Variants in UBE2E2 observed in about 807,000 individuals in gnomAD.
UBE2E2 encodes ubiquitin-conjugating enzyme E2 E2.
Under a neutral mutation model 24.7 loss-of-function variants are expected in UBE2E2, and 6 were observed. The observed-to-expected ratio is 0.24, with a 90% CI of 0.13 to 0.48. The LOEUF (loss-of-function observed/expected upper bound fraction) is 0.48, where lower values mean the gene tolerates loss of function less well. Ranked by LOEUF, UBE2E2 falls within the 20% of genes least tolerant of loss-of-function variation. The pLI, the probability that UBE2E2 is intolerant of heterozygous loss-of-function variation, is 0.99. For synonymous variants in UBE2E2, 104 were observed against 83.6 expected (o/e 1.24, Z -1.33); for missense variants, 169 against 245.0 (o/e 0.69, Z 2.07).
At chr3:23,264,188 TA>T (rs1187685166) in intron 3 of UBE2E2, among the ~76,000 whole-genome samples, 7 of 152,166 alleles carry the variant, frequency 4.6e-5, no homozygotes, top group Non-Finnish European at 1.5e-5. Flanking sequence ...TAGGAAGTCT[TA>T]CCTTTGCTCC....
chr3:23,425,202 A>G (rs989392596), intron 3 of UBE2E2, among the ~76,000 whole-genome samples: 2 of 152,334 alleles, frequency 1.3e-5, no homozygotes, highest in Admixed American at 1.3e-4. Flanking sequence ...TAGCATAACT[A>G]TAATGCCATT....
intron 3 of UBE2E2, among the ~76,000 whole-genome samples, chr3:23,401,982 G>T (rs1019928883): frequency 1.3e-5 from 2 of 148,460 alleles, no homozygotes; most frequent in Non-Finnish European, 3.0e-5. Flanking sequence ...TCAGCCTCCC[G>T]AATAGCTGGG....
At chr3:23,375,480 C>CA (rs1696498548) in intron 3 of UBE2E2, among the ~76,000 whole-genome samples, 1 of 152,136 alleles carries the variant, frequency 6.6e-6, no homozygotes, top group Non-Finnish European at 1.5e-5. Flanking sequence ...AATTTATAAT[C>CA]TGGCGAGAAG....
chr3:23,482,638 C>T (rs551093116), intron 3 of UBE2E2, among the ~76,000 whole-genome samples: 1 of 152,218 alleles, frequency 6.6e-6, no homozygotes, highest in South Asian at 2.1e-4. Flanking sequence ...GAAATCTGTG[C>T]CTGTCATTGA....
At chr3:23,220,288 G>GT (rs1696596676) in intron 3 of UBE2E2, among the ~76,000 whole-genome samples, 1 of 152,168 alleles carries the variant, frequency 6.6e-6, no homozygotes, top group South Asian at 2.1e-4. Context: ...ACATATTTCA[G>GT]TTTTTTCTCA....
intron 3 of UBE2E2, among the ~76,000 whole-genome samples, chr3:23,490,555 C>G (rs1699474095): frequency 6.6e-6 from 1 of 152,056 alleles, no homozygotes; most frequent in Non-Finnish European, 1.5e-5. Context: ...TGCAAGGTAT[C>G]CACACATTGG....
chr3:23,477,853 A>G lies in UBE2E2; in HGVS notation c.228-21755A>G, dbSNP rs533978492. On this transcript the variant is annotated intron_variant, in intron 3 of 5. Transcript: ENST00000396703. ...TTGGATCATGGGGGCAGTTTCCCTC[A>G]TGCTGTTCTTTTGACAGTGAGTTCT... 3.3e-5 allele frequency among the ~76,000 whole-genome samples: 5 copies of G among 152,302 alleles called. No homozygotes were observed. The East Asian group carries it at 9.7e-4, about 29-fold the overall frequency.
intron 3 of UBE2E2, among the ~76,000 whole-genome samples, chr3:23,320,947 C>A (rs73136289): frequency 6.6e-6 from 1 of 152,182 alleles, no homozygotes; most frequent in African/African-American, 2.4e-5. Flanking sequence ...CCTCACAGTT[C>A]TGAGAACTGG....
At chr3:23,382,180 T>TTTC (rs1696686927) in intron 3 of UBE2E2, among the ~76,000 whole-genome samples, 4 of 142,260 alleles carry the variant, frequency 2.8e-5, no homozygotes, top group Admixed American at 2.8e-4. Flanking sequence ...ATACTTTAAT[T>TTTC]TTTTTTTTTT....
At chr3:23,382,027 G>A (rs1053299394) in intron 3 of UBE2E2, among the ~76,000 whole-genome samples, 32 of 151,946 alleles carry the variant, frequency 2.1e-4, no homozygotes, top group Non-Finnish European at 1.9e-4. Flanking sequence ...GATTATTCTC[G>A]CAACCCACTT....
intron 4 of UBE2E2, among the ~76,000 whole-genome samples, chr3:23,526,017 C>T (rs1694988488): frequency 6.6e-6 from 1 of 152,152 alleles, no homozygotes; most frequent in African/African-American, 2.4e-5. Context: ...CTCATTTTCC[C>T]TAGTTTGTTG....
chr3:23,233,971 ATATT>A (rs1697034238), intron 3 of UBE2E2, among the ~76,000 whole-genome samples: 1 of 152,176 alleles, frequency 6.6e-6, no homozygotes. Flanking sequence ...TGTTTGGTAA[ATATT>A]TATCAAAATT....
intron 1 of UBE2E2, among the ~76,000 whole-genome samples, chr3:23,206,961 A>G (rs754591560): frequency 2.6e-5 from 4 of 152,212 alleles, no homozygotes; most frequent in African/African-American, 9.7e-5. Flanking sequence ...TTCAAAAGGA[A>G]TTTGTTCAGT....
In UBE2E2 at chr3:23,591,227, C is replaced by G. The variant is rs187459199; in HGVS notation, c.*1396C>G. 8 of 152,298 alleles carry G rather than the reference C, an allele frequency of 5.3e-5. No homozygotes were observed. Among genetic ancestry groups the G allele is most frequent in the Admixed American group, 2.0e-4 (3 of 15,292 alleles). The allele number at this position is 152,298 out of a possible 1,614,324, so 9.4% of individuals were successfully genotyped here. A position where few individuals can be genotyped will look rare whatever the true frequency, so the allele number is the denominator to read the frequency against. ...CAAAGCGTAGTGGAAACTCCTACTC[C>G]TGCTGCACCATACAGTTACAGACCC... is the stretch of plus-strand genomic sequence containing the variant. On this transcript the variant is annotated 3_prime_UTR_variant, in exon 6 of 6. Transcript: ENST00000396703.
chr3:23,589,868 G>C lies in UBE2E2; in HGVS notation c.*37G>C. 1 of 1,606,748 alleles carries C rather than the reference G, an allele frequency of 6.2e-7. No individual in the cohort carries two copies. The highest frequency in any genetic ancestry group is 8.5e-7 in the Non-Finnish European group (1 of 1,173,986). ...CTGCCGCCCCGCGGGACCTGTGCAA[G>C]CACATTCACCAAGTGCATCGGTAGC... On this transcript the variant is annotated 3_prime_UTR_variant, in exon 6 of 6. Transcript: ENST00000396703. This position sits in a 1 kb window ranked among gnomAD's most constrained non-coding sequence, Gnocchi z 4.1.
chr3:23,271,628 C>T (rs1338019278), intron 3 of UBE2E2, among the ~76,000 whole-genome samples: 3 of 152,192 alleles, frequency 2.0e-5, no homozygotes, highest in Admixed American at 2.0e-4. Flanking sequence ...GTTTACAATC[C>T]CTGAGCTAGA....
At chr3:23,292,090 C>T (rs1241707705) in intron 3 of UBE2E2, among the ~76,000 whole-genome samples, 3 of 151,914 alleles carry the variant, frequency 2.0e-5, no homozygotes, top group African/African-American at 7.3e-5. Flanking sequence ...GATCTCCTGA[C>T]CTCGTGATTC....
At chr3:23,262,674 A>G (rs961700915) in intron 3 of UBE2E2, among the ~76,000 whole-genome samples, 8 of 151,698 alleles carry the variant, frequency 5.3e-5, no homozygotes, top group Admixed American at 4.6e-4. Flanking sequence ...CCCTTATTAG[A>G]TGTATGGTTT....
chr3:23,328,730 T>G (rs1462121899), intron 3 of UBE2E2, among the ~76,000 whole-genome samples: 1 of 151,996 alleles, frequency 6.6e-6, no homozygotes, highest in Non-Finnish European at 1.5e-5. Flanking sequence ...GGCGCGATCT[T>G]GACTCATTGC....
Sources: allele counts gnomAD v4.1 joint callset (sites outside exome capture counted in the v4.1 genomes callset), GRCh38; gene constraint gnomAD v4.1.1; non-coding constraint Gnocchi (gnomAD v3.1); transcripts MANE v1.5; gene names NCBI Gene and HGNC (gene_info 2026-07-23, HGNC 2026-07-21).